The following EPHA6 variants were observed in gnomAD, a reference collection of about 807,000 sequenced individuals.
EPHA6 encodes EPH receptor A6.
Under a neutral mutation model 112.0 loss-of-function variants are expected in EPHA6, and 50 were observed. That is an observed-to-expected ratio of 0.45 (90% CI 0.36 to 0.56). The LOEUF is 0.56. Ranked by LOEUF, EPHA6 falls within the 20% of genes least tolerant of loss-of-function variation. EPHA6 has a pLI of 0.00. For missense variants in EPHA6, 1,280 were observed against 1,417.4 expected (o/e 0.90, Z 1.56); for synonymous variants, 529 against 490.7 (o/e 1.08, Z -1.03).
intron 11 of EPHA6, among the ~76,000 whole-genome samples, chr3:97,558,592 A>C (rs2093146672): frequency 6.6e-6 from 1 of 151,966 alleles, no homozygotes; most frequent in Admixed American, 6.6e-5. Context: ...CTATGCATGC[A>C]TACACATGTA....
intron 7 of EPHA6, among the ~76,000 whole-genome samples, chr3:97,455,964 A>G (rs770029285): frequency 2.4e-4 from 36 of 152,084 alleles, no homozygotes; most frequent in Non-Finnish European, 4.7e-4. Flanking sequence ...AATATGAAAA[A>G]TATTAAAGAT....
At chr3:97,236,920 G>C (rs1245850449) in intron 4 of EPHA6, among the ~76,000 whole-genome samples, 1 of 151,934 alleles carries the variant, frequency 6.6e-6, no homozygotes, top group Non-Finnish European at 1.5e-5. Context: ...GTATGCTCAG[G>C]ATGCTCACAA....
At chr3:97,546,100 T>C (rs2092943350) in intron 11 of EPHA6, among the ~76,000 whole-genome samples, 1 of 152,248 alleles carries the variant, frequency 6.6e-6, no homozygotes, top group South Asian at 2.1e-4. Context: ...AATTTGATCC[T>C]ATCATTATGA....
intron 14 of EPHA6, among the ~76,000 whole-genome samples, chr3:97,702,635 T>C (rs1392287848): frequency 2.0e-5 from 3 of 152,200 alleles, no homozygotes; most frequent in East Asian, 3.9e-4. Flanking sequence ...TTCTGTTATA[T>C]AACAGTACTG....
At chr3:97,596,195 G>A (rs2093589449) in intron 12 of EPHA6, among the ~76,000 whole-genome samples, 1 of 152,100 alleles carries the variant, frequency 6.6e-6, no homozygotes, top group South Asian at 2.1e-4. Context: ...GTGAGCCACC[G>A]CGCCCGGCCA....
chr3:97,144,563 C>T (rs912087854), intron 3 of EPHA6, among the ~76,000 whole-genome samples: 35 of 150,966 alleles, frequency 2.3e-4, no homozygotes, highest in African/African-American at 8.2e-4. Context: ...AACTTCCATG[C>T]TCCTATTCAA....
At chr3:97,188,383 A>G (rs1204773171) in intron 3 of EPHA6, among the ~76,000 whole-genome samples, 1 of 152,056 alleles carries the variant, frequency 6.6e-6, no homozygotes, top group Non-Finnish European at 1.5e-5. Flanking sequence ...TAAAACACAC[A>G]GAAGCATACT....
intron 2 of EPHA6, among the ~76,000 whole-genome samples, chr3:96,966,990 A>T (rs2042144580): frequency 6.6e-6 from 1 of 151,888 alleles, no homozygotes; most frequent in Non-Finnish European, 1.5e-5. Flanking sequence ...GTGTCATTTT[A>T]ATTTTTAACC....
At chr3:96,890,168 A>G (rs2037872153) in intron 2 of EPHA6, among the ~76,000 whole-genome samples, 1 of 152,100 alleles carries the variant, frequency 6.6e-6, no homozygotes, top group Admixed American at 6.5e-5. Flanking sequence ...ATTGAACTAC[A>G]TTAATATTAA....
intron 14 of EPHA6, among the ~76,000 whole-genome samples, chr3:97,667,135 G>A (rs1462075284): frequency 2.0e-5 from 3 of 152,116 alleles, no homozygotes; most frequent in Non-Finnish European, 4.4e-5. Flanking sequence ...TACATATGAA[G>A]TTTGATTGCA....
At chr3:97,283,254 A>G in intron 5 of EPHA6, among the ~76,000 whole-genome samples, 1 of 152,210 alleles carries the variant, frequency 6.6e-6, no homozygotes, top group East Asian at 1.9e-4. Context: ...AGTTAAATGA[A>G]TTTTGAAATT....
At chr3:97,143,480 C>A (rs927106903) in intron 3 of EPHA6, among the ~76,000 whole-genome samples, 1 of 151,708 alleles carries the variant, frequency 6.6e-6, no homozygotes, top group East Asian at 1.9e-4. Flanking sequence ...TATCTGTATT[C>A]TCTTATGTTG....
intron 14 of EPHA6, among the ~76,000 whole-genome samples, chr3:97,692,408 T>C (rs1369467707): frequency 2.6e-5 from 4 of 152,240 alleles, no homozygotes; most frequent in African/African-American, 9.6e-5. Flanking sequence ...AAGACGATCC[T>C]TGGAGGGCAT....
intron 4 of EPHA6, among the ~76,000 whole-genome samples, chr3:97,232,179 C>T (rs2078545824): frequency 6.6e-6 from 1 of 152,146 alleles, no homozygotes; most frequent in Non-Finnish European, 1.5e-5. Flanking sequence ...TATTTAACTT[C>T]TCTTGACTCC....
chr3:97,071,688 T>A, intron 3 of EPHA6, among the ~76,000 whole-genome samples: 1 of 152,168 alleles, frequency 6.6e-6, no homozygotes, highest in East Asian at 1.9e-4. Flanking sequence ...TAATTCAAGT[T>A]GAGATTTGGG....
rs147812106 is a variant in EPHA6, at chr3:97,534,704, G to T, written c.2386+2161G>T. Among the ~76,000 whole-genome samples the T allele has an allele frequency of 1.9e-3, 296 of 152,000 alleles. 1 individual carries two copies. Among genetic ancestry groups the T allele is most frequent in the African/African-American group, 6.7e-3 (277 of 41,520 alleles). On this transcript the variant is annotated intron_variant, in intron 11 of 17. Transcript: ENST00000389672. ...ATGACCTAAAAGAGAGAAACAGAGA[G>T]ACAGAAGAAATAGATGTTAATTATT... is the stretch of plus-strand genomic sequence containing the variant.
At chr3:97,183,114 C>A (rs1249370231) in intron 3 of EPHA6, among the ~76,000 whole-genome samples, 1 of 151,864 alleles carries the variant, frequency 6.6e-6, no homozygotes, top group African/African-American at 2.4e-5. Flanking sequence ...TATTTAATAA[C>A]ACTGTGCAAT....
At chr3:97,141,177 C>T (rs2075892311) in intron 3 of EPHA6, among the ~76,000 whole-genome samples, 1 of 151,988 alleles carries the variant, frequency 6.6e-6, no homozygotes, top group Admixed American at 6.6e-5. Context: ...CTGGAGCACA[C>T]AGATTTATAA....
chr3:97,106,044 T>C (rs146458043), intron 3 of EPHA6, among the ~76,000 whole-genome samples: 128 of 152,218 alleles, frequency 8.4e-4, no homozygotes, highest in African/African-American at 3.0e-3. Context: ...AAGGGTGTTA[T>C]TGCATTTGAG....
Sources: gnomAD v4.1 joint callset for allele counts (sites outside exome capture counted in the v4.1 genomes callset) on GRCh38, gnomAD v4.1.1 for gene constraint, MANE v1.5 for transcripts, NCBI Gene and HGNC (gene_info 2026-07-23, HGNC 2026-07-21) for gene names.